Variants in ASCC3 observed in about 807,000 individuals in gnomAD.
The protein encoded by ASCC3 is ASC-1 complex subunit P200.
Under a neutral mutation model 256.3 loss-of-function variants are expected in ASCC3, and 158 were observed. The observed-to-expected ratio is 0.62, with a 90% confidence interval of 0.54 to 0.70. The LOEUF (loss-of-function observed/expected upper bound fraction) is 0.70, where lower values mean the gene tolerates loss of function less well. Among genes scored for constraint, ASCC3 ranks in the 30% least tolerant of loss-of-function variants. ASCC3 has a pLI of 0.00. For synonymous variants in ASCC3, 948 were observed against 883.4 expected (o/e 1.07, Z -1.30); for missense variants, 2,259 against 2,626.0 (o/e 0.86, Z 3.05).
intron 14 of ASCC3, among the ~76,000 whole-genome samples, chr6:100,665,769 AT>A (rs945669739): frequency 6.6e-6 from 1 of 151,594 alleles, no homozygotes; most frequent in African/African-American, 2.4e-5. Context: ...AGAAAAAAAA[AT>A]GAACTGGAAT....
intron 10 of ASCC3, among the ~76,000 whole-genome samples, chr6:100,756,848 T>G (rs924103470): frequency 5.9e-5 from 9 of 152,138 alleles, no homozygotes; most frequent in Non-Finnish European, 2.9e-5. Flanking sequence ...TTATGAAATA[T>G]AAAATTTTTT....
At position 100,679,625 on chromosome 6, in the gene ASCC3, T is replaced by C. The variant is rs767984552; in HGVS notation, c.2279A>G (p.Glu760Gly). Residue 760 changes from glutamate (E) to glycine (G), a missense_variant, in exon 14 of 42, where the codon GAA becomes GGA. Physicochemically the swap from Glu to Gly is moderately conservative, Grantham distance 98. This residue lies in a region of ASCC3 where 1,839 missense variants were observed against 2,206.7 expected (regional missense o/e 0.83). Transcript: ENST00000369162. ...GTCCTCTTTGTTTCTTACCTGTTTTTCTGCAAGTACATAGTCATGTCCTTG... is the reference window on the plus strand; with the variant it reads ...GTCCTCTTTGTTTCTTACCTGTTTTCCTGCAAGTACATAGTCATGTCCTTG... Reference protein sequence around the residue: ...PTQGHDYVLAEKQVQRSRNKQ... With the variant: ...PTQGHDYVLAGKQVQRSRNKQ... The C allele has an allele frequency of 3.1e-6, 5 of 1,613,608 alleles. No individual in the cohort carries two copies. The highest frequency in any genetic ancestry group is 2.2e-5 in the South Asian group (2 of 91,076).
intron 36 of ASCC3, among the ~76,000 whole-genome samples, chr6:100,546,395 A>G (rs1261965866): frequency 6.6e-6 from 1 of 152,198 alleles, no homozygotes; most frequent in African/African-American, 2.4e-5. Flanking sequence ...ATGGAAATGT[A>G]AAGGACCTAG....
At chr6:100,573,089 T>C (rs1263896639) in intron 36 of ASCC3, among the ~76,000 whole-genome samples, 2 of 152,136 alleles carry the variant, frequency 1.3e-5, no homozygotes, top group Non-Finnish European at 2.9e-5. Context: ...GCTCTGCTTA[T>C]AGTGGGTTGG....
chr6:100,646,508 A>C, intron 22 of ASCC3, 107 bp downstream of exon 22: 1 of 1,202,660 alleles, frequency 8.3e-7, no homozygotes, highest in Non-Finnish European at 1.2e-6. Context: ...AATCCTCAAT[A>C]TATATTCTTT....
intron 25 of ASCC3, among the ~76,000 whole-genome samples, chr6:100,638,044 C>T (rs556987029): frequency 6.6e-6 from 1 of 152,222 alleles, no homozygotes; most frequent in Non-Finnish European, 1.5e-5. Flanking sequence ...AAAATGCTAT[C>T]AGGCGGCATC....
chr6:100,625,099 C>T, intron 30 of ASCC3, 93 bp downstream of exon 30: 2 of 1,475,760 alleles, frequency 1.4e-6, no homozygotes, highest in South Asian at 1.2e-5. Flanking sequence ...TGAATTTCTT[C>T]TTTCCCTATA....
chr6:100,872,389 T>C (rs1041211987), intron 1 of ASCC3, among the ~76,000 whole-genome samples: 1 of 144,204 alleles, frequency 6.9e-6, no homozygotes, highest in African/African-American at 2.6e-5. Context: ...TAGGATTCGG[T>C]AATGAGGTCA....
intron 11 of ASCC3, among the ~76,000 whole-genome samples, chr6:100,719,377 T>C (rs1191570161): frequency 6.6e-6 from 1 of 152,078 alleles, no homozygotes; most frequent in African/African-American, 2.4e-5. Context: ...ATTAGAACGA[T>C]TAATTATCCC....
In ASCC3 at chr6:100,662,521, T is replaced by G. The variant is rs1776277078; in HGVS notation, c.2302A>C (p.Asn768His). ...GGGAATAATTCTCGTACTTGCTTAT[T>G]TCTCGACCTTTGTACCTAGATACCA... ...LAEKQVQRSR[N>H]KQVRELFPDG... The change falls in exon 15 of 42, where the codon AAT (asparagine) becomes CAT (histidine). Residue 768 changes from asparagine to histidine, a missense_variant. Around this residue, in one of 2 missense-constraint regions of ASCC3, gnomAD observed 1,839 missense variants for 2,206.7 expected, o/e 0.83. Transcript: ENST00000369162. 6.2e-7 allele frequency: 1 copy of G among 1,612,982 alleles called. No individual in the cohort carries two copies. Among genetic ancestry groups the G allele is most frequent in the South Asian group, 1.1e-5 (1 of 91,062 alleles).
intron 10 of ASCC3, among the ~76,000 whole-genome samples, chr6:100,757,716 T>G (rs922508975): frequency 8.5e-5 from 13 of 152,124 alleles, no homozygotes; most frequent in African/African-American, 2.9e-4. Context: ...GAAACAGACA[T>G]CAGAAGATTC....
intron 13 of ASCC3, among the ~76,000 whole-genome samples, chr6:100,686,699 A>G (rs1363903800): frequency 1.3e-5 from 2 of 152,160 alleles, no homozygotes; most frequent in South Asian, 2.1e-4. Flanking sequence ...TATACAGAGT[A>G]TAACTCTGTA....
intron 36 of ASCC3, among the ~76,000 whole-genome samples, chr6:100,563,690 G>T (rs1200731092): frequency 6.6e-6 from 1 of 152,122 alleles, no homozygotes; most frequent in Non-Finnish European, 1.5e-5. Flanking sequence ...AATCCCATAT[G>T]TAAGGCTAAG....
At chr6:100,723,482 AT>A (rs1240545184) in intron 11 of ASCC3, among the ~76,000 whole-genome samples, 2 of 151,764 alleles carry the variant, frequency 1.3e-5, no homozygotes, top group Non-Finnish European at 2.9e-5. Context: ...TAAATCATTA[AT>A]CCATCTAGAA....
At chr6:100,744,471 A>G (rs1050020979) in intron 10 of ASCC3, among the ~76,000 whole-genome samples, 35 of 152,172 alleles carry the variant, frequency 2.3e-4, no homozygotes, top group Non-Finnish European at 1.5e-5. Context: ...AGGTAACTTG[A>G]TAATATAGGA....
chr6:100,594,067 G>C (rs1473842472), intron 34 of ASCC3, among the ~76,000 whole-genome samples: 1 of 152,026 alleles, frequency 6.6e-6, no homozygotes, highest in Admixed American at 6.6e-5. Flanking sequence ...ACCAACTCAG[G>C]AACAGTGGTT....
chr6:100,715,565 G>A (rs2115021126), intron 12 of ASCC3, 32 bp from the exon 13 acceptor site: 7 of 1,563,530 alleles, frequency 4.5e-6, no homozygotes, highest in African/African-American at 1.4e-5. Flanking sequence ...AAAAAATCAT[G>A]TGAAACAATT....
At chr6:100,628,453 A>G (rs1278739972) in intron 27 of ASCC3, among the ~76,000 whole-genome samples, 1 of 152,138 alleles carries the variant, frequency 6.6e-6, no homozygotes, top group Non-Finnish European at 1.5e-5. Context: ...GGGGCCTGGT[A>G]GGAGGTGATA....
At chr6:100,676,441 TG>T (rs1777010332) in intron 14 of ASCC3, among the ~76,000 whole-genome samples, 1 of 152,138 alleles carries the variant, frequency 6.6e-6, no homozygotes, top group Non-Finnish European at 1.5e-5. Context: ...TGTGTCCTGT[TG>T]GTTTGGGCAT....
Sources: gnomAD v4.1 joint callset for allele counts (sites outside exome capture counted in the v4.1 genomes callset) on GRCh38, gnomAD v4.1.1 for gene constraint, gnomAD v4.1.1 regional missense constraint, MANE v1.5 for transcripts, NCBI Gene and HGNC (gene_info 2026-07-23, HGNC 2026-07-21) for gene names.